Variants in UACA observed in about 807,000 individuals in gnomAD.
UACA encodes the protein nuclear membrane binding protein.
In UACA, 112 loss-of-function variants were observed where a neutral mutation model predicts 160.5. The ratio of observed to expected loss-of-function variants is 0.70; its 90% CI spans 0.60 to 0.82. UACA has a LOEUF of 0.82. Ranked by LOEUF, UACA falls within the 40% of genes least tolerant of loss-of-function variation. The pLI is 0.00. For synonymous variants in UACA, 557 were observed against 568.4 expected (o/e 0.98, Z 0.29); for missense variants, 1,574 against 1,614.6 (o/e 0.97, Z 0.43).
intron 2 of UACA, among the ~76,000 whole-genome samples, chr15:70,697,798 C>T (rs1242820079): frequency 6.6e-6 from 1 of 152,162 alleles, no homozygotes; most frequent in Non-Finnish European, 1.5e-5. Context: ...CGCCTGTAAT[C>T]CCAGTACTTT....
rs756523595 is a variant in UACA, at chr15:70,657,165, C to T, written c.4180-38G>A. 4 of 1,541,502 alleles carry T rather than the reference C, an allele frequency of 2.6e-6. No individual in the cohort carries two copies. In the South Asian group the frequency reaches 3.4e-5, roughly 13 times the overall value. On this transcript the variant is annotated intron_variant, in intron 18 of 18. Transcript: ENST00000322954. ...AAGAAAGAGGAGCATTATTTTATGTCATCTTTGTTTACATAAGAATTCTAA... is the reference window on the plus strand; with the variant it reads ...AAGAAAGAGGAGCATTATTTTATGTTATCTTTGTTTACATAAGAATTCTAA...
chr15:70,740,637 CAAAAAAAAAAA>C (rs10536483), intron 1 of UACA, among the ~76,000 whole-genome samples: 1 of 84,040 alleles, frequency 1.2e-5, no homozygotes, highest in Admixed American at 1.5e-4. Context: ...GACCCTGTCT[CAAAAAAAAAAA>C]AAAAAAAAAG....
At chr15:70,669,593 G>A in intron 15 of UACA, 131 bp from the exon 16 acceptor site, 6 of 667,010 alleles carry the variant, frequency 9.0e-6, no homozygotes, top group Non-Finnish European at 9.4e-6. Context: ...GCAGTAAGAT[G>A]GAAAAAAAAT....
At position 70,687,524 on chromosome 15, in the gene UACA, A is replaced by G. The variant is rs781263738; in HGVS notation, c.602+16T>C. 1 of 1,609,988 alleles carries G rather than the reference A, an allele frequency of 6.2e-7. No individual in the cohort carries two copies. The highest frequency in any genetic ancestry group is 8.5e-7 in the Non-Finnish European group (1 of 1,176,396). On this transcript the variant is annotated intron_variant, in intron 7 of 18. Coordinates refer to ENST00000322954, the MANE Select transcript of UACA (RefSeq NM_018003.4). ...TGTATCCAGCTGGTATCTGGGAGCCATGATAAAAGAATTACCTGTTTTGTT... is the reference window on the plus strand; with the variant it reads ...TGTATCCAGCTGGTATCTGGGAGCCGTGATAAAAGAATTACCTGTTTTGTT...
At chr15:70,722,897 C>T (rs931523327) in intron 1 of UACA, among the ~76,000 whole-genome samples, 9 of 152,136 alleles carry the variant, frequency 5.9e-5, no homozygotes, top group Non-Finnish European at 8.8e-5. Context: ...CTCAGAAGCA[C>T]TAACTTATCA....
chr15:70,654,574 T>C lies in UACA; in HGVS notation c.*2482A>G, dbSNP rs1230522007. On this transcript the variant is annotated 3_prime_UTR_variant, in exon 19 of 19. Transcript: ENST00000322954. ...AGATGTTCAATGCATGAATATTTGA[T>C]TTTATTTCAAAAGACAATTATTTAT... The C allele has an allele frequency of 6.6e-6, 1 of 152,162 alleles. No homozygotes were observed. The highest frequency in any genetic ancestry group is 1.5e-5 in the Non-Finnish European group (1 of 68,030). 9.4% of individuals were successfully genotyped at this position (152,162 alleles called of 1,614,324 possible).
the UACA span, among the ~76,000 whole-genome samples, chr15:70,771,567 G>A: frequency 1.3e-5 from 2 of 152,132 alleles, no homozygotes; most frequent in African/African-American, 4.8e-5. Context: ...TGATACTGAG[G>A]AATCAGCAGG....
intron 17 of UACA, among the ~76,000 whole-genome samples, chr15:70,663,860 G>A (rs972075958): frequency 2.5e-5 from 3 of 122,216 alleles, no homozygotes; most frequent in Non-Finnish European, 5.0e-5. Flanking sequence ...CACACACTGG[G>A]GCCTGTTGTG....
chr15:70,747,025 T>G lies in UACA; in HGVS notation c.78+16305A>C, dbSNP rs150724436. On this transcript the variant is annotated intron_variant, in intron 1 of 18. Coordinates refer to ENST00000322954, the MANE Select transcript of UACA (RefSeq NM_018003.4). ...GGAAGGCTAGCATTAGGAGAAACAATGTAGATGATGGGTTGATGTGTGCAG... is the reference window on the plus strand; with the variant it reads ...GGAAGGCTAGCATTAGGAGAAACAAGGTAGATGATGGGTTGATGTGTGCAG... Among the ~76,000 whole-genome samples the G allele has an allele frequency of 1.3e-4, 19 of 151,980 alleles. 1 individual carries two copies. The East Asian group carries it at 3.7e-3, about 30-fold the overall frequency.
intron 1 of UACA, among the ~76,000 whole-genome samples, chr15:70,719,190 A>AT (rs1898918470): frequency 6.6e-6 from 1 of 152,198 alleles, no homozygotes; most frequent in Admixed American, 6.5e-5. Flanking sequence ...GCAAGTAAGG[A>AT]TAAAAAAAGA....
intron 10 of UACA, among the ~76,000 whole-genome samples, chr15:70,678,569 T>A (rs1237810689): frequency 6.6e-6 from 1 of 152,174 alleles, no homozygotes; most frequent in Non-Finnish European, 1.5e-5. Context: ...AATCCTTTTG[T>A]TGAAATAATC....
At chr15:70,665,166 T>A (rs554289140) in intron 16 of UACA, among the ~76,000 whole-genome samples, 2 of 152,292 alleles carry the variant, frequency 1.3e-5, no homozygotes, top group South Asian at 4.1e-4. Context: ...GGAAGGGGGA[T>A]TCCCAGCAAC....
intron 1 of UACA, among the ~76,000 whole-genome samples, chr15:70,740,637 C>A (rs1425312642): frequency 1.1e-3 from 92 of 83,974 alleles, no homozygotes; most frequent in African/African-American, 2.3e-3. Context: ...GACCCTGTCT[C>A]AAAAAAAAAA....
chr15:70,686,131 CTTT>C (rs748667477), intron 7 of UACA, among the ~76,000 whole-genome samples: 86 of 139,226 alleles, frequency 6.2e-4, no homozygotes, highest in African/African-American at 2.2e-3. Context: ...TTAATCACAT[CTTT>C]TTTTTTTTTT....
chr15:70,723,664 G>A (rs918270614), intron 1 of UACA, among the ~76,000 whole-genome samples: 8 of 142,446 alleles, frequency 5.6e-5, no homozygotes, highest in Non-Finnish European at 1.0e-4. Flanking sequence ...ACGGAGTCTC[G>A]CTCTGTCGCC....
intron 1 of UACA, among the ~76,000 whole-genome samples, chr15:70,729,558 T>C (rs1404005072): frequency 9.6e-6 from 1 of 104,442 alleles, no homozygotes; most frequent in Non-Finnish European, 1.8e-5. Flanking sequence ...TCCCAGGGCC[T>C]TTCTGCTGCT....
intron 1 of UACA, among the ~76,000 whole-genome samples, chr15:70,702,701 G>A (rs1179952901): frequency 2.6e-5 from 4 of 152,040 alleles, no homozygotes; most frequent in African/African-American, 9.7e-5. Context: ...TTAAGGAAAC[G>A]CACACACAGT....
intron 10 of UACA, 99 bp downstream of exon 10, chr15:70,679,509 C>T: frequency 1.4e-6 from 1 of 709,676 alleles, no homozygotes; most frequent in Non-Finnish European, 2.3e-6. Context: ...TTGCCCCACT[C>T]ATTTCACCCA....
In UACA at chr15:70,669,264, A is replaced by C; in HGVS notation, c.1420T>G (p.Cys474Gly). The C allele has an allele frequency of 6.2e-7, 1 of 1,614,054 alleles. No homozygotes were observed. Among genetic ancestry groups the C allele is most frequent in the African/African-American group, 1.3e-5 (1 of 75,018 alleles). Residue 474 changes from cysteine to glycine, a missense_variant, in exon 16 of 19, where the codon TGC becomes GGC. Coordinates refer to ENST00000322954, the MANE Select transcript of UACA (RefSeq NM_018003.4). Reference protein sequence around the residue: ...QNELAHKVAECKALALECERV... With the variant: ...QNELAHKVAEGKALALECERV... ...TCACATTCTAATGCTAAAGCTTTGC[A>C]TTCTGCCACTTTGTGTGCCAGTTCA...
Sources: gnomAD v4.1 joint callset for allele counts (sites outside exome capture counted in the v4.1 genomes callset) on GRCh38, gnomAD v4.1.1 for gene constraint, MANE v1.5 for transcripts, NCBI Gene and HGNC (gene_info 2026-07-23, HGNC 2026-07-21) for gene names.